Variants in LRP1 observed in about 807,000 individuals in gnomAD.
LRP1 encodes prolow-density lipoprotein receptor-related protein 1.
In LRP1, 51 loss-of-function variants were observed where a neutral mutation model predicts 541.5. The ratio of observed to expected loss-of-function variants is 0.09; its 90% CI spans 0.08 to 0.12. The LOEUF is 0.12. Among genes scored for constraint, LRP1 ranks in the 10% least tolerant of loss-of-function variants. The pLI is 1.00. For synonymous variants in LRP1, 2,219 were observed against 2,470.8 expected (o/e 0.90, Z 3.02); for missense variants, 3,878 against 6,376.2 (o/e 0.61, Z 13.34).
chr12:57,152,903 C>T (rs2035551964), intron 6 of LRP1, among the ~76,000 whole-genome samples: 1 of 152,258 alleles, frequency 6.6e-6, no homozygotes, highest in East Asian at 1.9e-4. Flanking sequence ...TTTGCCCCCA[C>T]CCCACCCTCA....
intron 6 of LRP1, among the ~76,000 whole-genome samples, chr12:57,153,253 G>A (rs2035559259): frequency 6.6e-6 from 1 of 152,086 alleles, no homozygotes; most frequent in African/African-American, 2.4e-5. Flanking sequence ...TGGAGAGGAG[G>A]AGCCCAGAGG....
In LRP1 at chr12:57,194,425, T is replaced by G; in HGVS notation, c.7990T>G (p.Ser2664Ala). The change falls in exon 49 of 89, where the codon TCA becomes GCA. Residue 2664 changes from serine to alanine, a missense_variant. Transcript: ENST00000243077. Reference sequence around the variant, plus strand: ...GCTCTTCCAGCCCTGCGAGCGGACCTCACTCTGCTACGCACCCAGCTGGGT... The same window carrying G: ...GCTCTTCCAGCCCTGCGAGCGGACCGCACTCTGCTACGCACCCAGCTGGGT... Reference protein sequence around the residue: ...GVLFQPCERTSLCYAPSWVCD... With the variant: ...GVLFQPCERTALCYAPSWVCD... The G allele has an allele frequency of 6.5e-7, 1 of 1,533,764 alleles. No individual in the cohort carries two copies. The highest frequency in any genetic ancestry group is 8.8e-7 in the Non-Finnish European group (1 of 1,140,842).
At chr12:57,170,946 A>G (rs1169571940) in intron 20 of LRP1, among the ~76,000 whole-genome samples, 1 of 152,212 alleles carries the variant, frequency 6.6e-6, no homozygotes, top group Non-Finnish European at 1.5e-5. Flanking sequence ...GTAGGAGAAG[A>G]CTGGACAGCG....
chr12:57,133,612 TC>T (rs1054190166), intron 1 of LRP1, among the ~76,000 whole-genome samples: 31 of 142,442 alleles, frequency 2.2e-4, no homozygotes, highest in Non-Finnish European at 2.4e-4. Flanking sequence ...GCAGGCTCTG[TC>T]CCCGCGCCGC....
intron 42 of LRP1, among the ~76,000 whole-genome samples, chr12:57,188,763 C>T (rs946790063): frequency 1.3e-5 from 2 of 152,170 alleles, no homozygotes; most frequent in East Asian, 1.9e-4. Context: ...GCGCGAGGGG[C>T]GTCATGAAGA....
At chr12:57,157,380 G>A (rs1350885766) in intron 10 of LRP1, among the ~76,000 whole-genome samples, 1 of 152,220 alleles carries the variant, frequency 6.6e-6, no homozygotes, top group Non-Finnish European at 1.5e-5. Flanking sequence ...GGAGGCCGAG[G>A]CAGGCAGATC....
At chr12:57,190,732 C>T (rs1053333266) in intron 42 of LRP1, 73 bp from the exon 43 acceptor site, 108 of 1,420,358 alleles carry the variant, frequency 7.6e-5, no homozygotes, top group Admixed American at 7.4e-4. Flanking sequence ...CAGGTGCCTA[C>T]GCGTCCTGGC....
chr12:57,138,655 A>C, intron 2 of LRP1, 74 bp downstream of exon 2: 1 of 1,581,164 alleles, frequency 6.3e-7, no homozygotes, highest in Non-Finnish European at 8.6e-7. Context: ...GTTTGGGAGG[A>C]GGACAGCTGA....
intron 17 of LRP1, 44 bp downstream of exon 17, chr12:57,166,253 G>A (rs1400793258): frequency 1.3e-6 from 2 of 1,550,472 alleles, no homozygotes; most frequent in Non-Finnish European, 1.7e-6. Flanking sequence ...CCTCAGTCAA[G>A]GAGGCAGGGG....
At position 57,180,029 on chromosome 12, in the gene LRP1, T is replaced by G. The variant is rs770347590; in HGVS notation, c.5142-18T>G. The G allele has an allele frequency of 6.2e-7, 1 of 1,613,700 alleles. No homozygotes were observed. Among genetic ancestry groups the G allele is most frequent in the East Asian group, 2.2e-5 (1 of 44,868 alleles). On this transcript the variant is annotated intron_variant, in intron 30 of 88. Coordinates refer to ENST00000243077, the MANE Select transcript of LRP1 (RefSeq NM_002332.3). ...AGAAGAGGACCCTGACCTTTCCCTC[T>G]TGGCACCCTCCCCCCAGGAAGCTCT...
At chr12:57,175,730 GGGCAGGCCGA>G in intron 23 of LRP1, 25 bp downstream of exon 23, 1 of 1,551,568 alleles carries the variant, frequency 6.4e-7, no homozygotes, top group Non-Finnish European at 8.7e-7. Context: ...AGGTGTGGTG[GGGCAGGCCGA>G]GGCAGGCCTC....
rs956442335 is a variant in LRP1, at chr12:57,191,080, A to G, written c.7236+71A>G. The G allele has an allele frequency of 2.7e-6, 4 of 1,473,466 alleles. No homozygotes were observed. The African/African-American group carries it at 5.6e-5, about 20-fold the overall frequency. 91.3% of individuals were successfully genotyped at this position (1,473,466 alleles called of 1,614,324 possible). On this transcript the variant is annotated intron_variant, in intron 43 of 88. Transcript: ENST00000243077. ...CAGGGCCAGGGTCAGCCGTCAACCA[A>G]GACCGTCCAGGCACAGACATGGTGG...
Position 57,184,886 on chromosome 12 carries a change from G to C in LRP1, c.6234G>C (p.Arg2078=), listed in dbSNP as rs768722629. The change falls in exon 39 of 89, where the codon CGG becomes CGC. Residue 2078 remains arginine (R), a synonymous_variant. Coordinates refer to ENST00000243077, the MANE Select transcript of LRP1 (RefSeq NM_002332.3). This position sits in a 1 kb window ranked among gnomAD's most constrained non-coding sequence, Gnocchi z 7.8. ...ATGCACGGACAGACAAGATTGAACG[G>C]ATCGACCTGGAGACAGGTGAGAACC... ...WCDARTDKIE[R]IDLETGENRE... 2 of 1,614,194 alleles carry C rather than the reference G, an allele frequency of 1.2e-6. No individual in the cohort carries two copies. The highest frequency in any genetic ancestry group is 4.5e-5 in the East Asian group (2 of 44,884).
chr12:57,160,829 G>A (rs1209283297), intron 12 of LRP1, 64 bp from the exon 13 acceptor site: 12 of 1,289,198 alleles, frequency 9.3e-6, no homozygotes, highest in Non-Finnish European at 1.3e-5. Flanking sequence ...CATGGATTGG[G>A]ATCACAGGGG....
chr12:57,204,881 C>G lies in LRP1; in HGVS notation c.11194+132C>G. The G allele has an allele frequency of 2.1e-6, 3 of 1,438,738 alleles. No homozygotes were observed. Among genetic ancestry groups the G allele is most frequent in the Non-Finnish European group, 2.8e-6 (3 of 1,064,380 alleles). The allele number at this position is 1,438,738 out of a possible 1,614,324, so 89.1% of individuals were successfully genotyped here. A position where few individuals can be genotyped will look rare whatever the true frequency, so the allele number is the denominator to read the frequency against. Reference sequence around the variant, plus strand: ...CGCCCAGGAAGGGGAGGATCCATTGCTAGGAGCCTGGGGGCTTTTCGTTAG... The same window carrying G: ...CGCCCAGGAAGGGGAGGATCCATTGGTAGGAGCCTGGGGGCTTTTCGTTAG... On this transcript the variant is annotated intron_variant, in intron 72 of 88. Coordinates refer to ENST00000243077, the MANE Select transcript of LRP1 (RefSeq NM_002332.3). This position sits in a 1 kb window ranked among gnomAD's most constrained non-coding sequence, Gnocchi z 5.3.
At chr12:57,170,054 G>A (rs1441559374) in intron 20 of LRP1, among the ~76,000 whole-genome samples, 1 of 152,260 alleles carries the variant, frequency 6.6e-6, no homozygotes, top group Non-Finnish European at 1.5e-5. Flanking sequence ...GGGAGATTCT[G>A]TCCCAGGCCT....
rs551673403 is a variant in LRP1, at chr12:57,148,328, A to G, written c.841+2838A>G. 3.9e-5 allele frequency among the ~76,000 whole-genome samples: 6 copies of G among 152,340 alleles called. 1 individual carries two copies. In the South Asian group the frequency reaches 8.3e-4, roughly 21 times the overall value. On this transcript the variant is annotated intron_variant, in intron 6 of 88. Transcript: ENST00000243077. ...TAATAAACAGTAGCGCAAGCTGTACATAAGCATGGTAGACATTTTGAAAGT... is the reference window on the plus strand; with the variant it reads ...TAATAAACAGTAGCGCAAGCTGTACGTAAGCATGGTAGACATTTTGAAAGT...
intron 2 of LRP1, among the ~76,000 whole-genome samples, chr12:57,140,809 T>C (rs1231953413): frequency 6.6e-6 from 1 of 152,232 alleles, no homozygotes; most frequent in Non-Finnish European, 1.5e-5. Context: ...CTCAGCTCAC[T>C]GCAACTTCTG....
rs780883543 is a variant in LRP1 at position 57,202,504 on chromosome 12, G to A, written c.10678G>A (p.Asp3560Asn). ...CCGCTGGCAGTGCGACTACGACAAC[G>A]ATTGCGGTGACAACTCCGATGAAGA... is the stretch of plus-strand genomic sequence containing the variant. Reference protein sequence around the residue: ...PGRWQCDYDNDCGDNSDEESC... With the variant: ...PGRWQCDYDNNCGDNSDEESC... The change falls in exon 68 of 89, where the codon GAT (aspartate) becomes AAT (asparagine). Residue 3560 changes from aspartate to asparagine, a missense_variant. Coordinates refer to ENST00000243077, the MANE Select transcript of LRP1 (RefSeq NM_002332.3). The A allele has an allele frequency of 1.9e-6, 3 of 1,613,196 alleles. No individual in the cohort carries two copies. Among genetic ancestry groups the A allele is most frequent in the African/African-American group, 1.3e-5 (1 of 74,914 alleles).
Sources: allele counts gnomAD v4.1 joint callset (sites outside exome capture counted in the v4.1 genomes callset), GRCh38; gene constraint gnomAD v4.1.1; non-coding constraint Gnocchi (gnomAD v3.1); transcripts MANE v1.5; gene names NCBI Gene and HGNC (gene_info 2026-07-23, HGNC 2026-07-21).